The following FARS2 variants were observed in gnomAD, a reference collection of about 807,000 sequenced individuals.
The protein encoded by FARS2 is phenylalanine--tRNA ligase, mitochondrial.
Under a neutral mutation model 46.4 loss-of-function variants are expected in FARS2, and 40 were observed. That is an observed-to-expected ratio of 0.86 (90% CI 0.67 to 1.12). The LOEUF is 1.12. Among genes scored for constraint, FARS2 ranks in the 50% most tolerant of loss-of-function variants. The pLI is 0.00. For missense variants in FARS2, 513 were observed against 567.9 expected, an observed-to-expected ratio of 0.90 and a Z score of 0.98; for synonymous variants, 234 against 214.9, an observed-to-expected ratio of 1.09 and a Z score of -0.78.
chr6:5,427,088 T>G (rs145663481), intron 3 of FARS2, among the ~76,000 whole-genome samples: 3,147 of 152,326 alleles, frequency 0.021, 57 homozygotes, highest in South Asian at 0.067. Context: ...GCCTTTTTTA[T>G]TTTTAGTTGA....
intron 5 of FARS2, among the ~76,000 whole-genome samples, chr6:5,596,218 G>A (rs767827283): frequency 4.6e-5 from 7 of 152,202 alleles, no homozygotes; most frequent in Non-Finnish European, 7.3e-5. Context: ...CTTTGTTGGT[G>A]TGCTGTGATT....
At chr6:5,493,997 C>G (rs114899396) in intron 4 of FARS2, among the ~76,000 whole-genome samples, 2 of 152,112 alleles carry the variant, frequency 1.3e-5, no homozygotes, top group African/African-American at 4.8e-5. Flanking sequence ...TGAGTGCCAG[C>G]GCTATTTCAG....
In FARS2 at chr6:5,762,916, C is replaced by G. The variant is rs368452771; in HGVS notation, c.1218-8375C>G. ...TGGGGGAGGCACCGCTCAGAATGGC[C>G]CCACAGGAGCGTCAGGCCCAGGACA... On this transcript the variant is annotated intron_variant, in intron 6 of 6. Coordinates refer to ENST00000274680, the MANE Select transcript of FARS2 (RefSeq NM_006567.5). Among the ~76,000 whole-genome samples the G allele has an allele frequency of 1.2e-4, 18 of 152,306 alleles. No homozygotes were observed. The East Asian group carries it at 2.9e-3, about 25-fold the overall frequency.
At chr6:5,746,085 C>T (rs1403691348) in intron 6 of FARS2, among the ~76,000 whole-genome samples, 1 of 152,200 alleles carries the variant, frequency 6.6e-6, no homozygotes, top group African/African-American at 2.4e-5. Flanking sequence ...AAAATATCTT[C>T]TAGTCCTGAT....
At chr6:5,357,893 A>G (rs1361071525) in intron 1 of FARS2, among the ~76,000 whole-genome samples, 1 of 152,220 alleles carries the variant, frequency 6.6e-6, no homozygotes, top group Middle Eastern at 3.2e-3. Flanking sequence ...AAACGGCTTC[A>G]TAGAGAAGAT....
In FARS2 at chr6:5,486,401, T is replaced by C. The variant is rs1010267019; in HGVS notation, c.904+55229T>C. On this transcript the variant is annotated intron_variant, in intron 4 of 6. Transcript: ENST00000274680. ...GGTCTGTTCTTGTTATGACTTGTTT[T>C]TATTTTAGCCTTCTATTCAGGTGAG... Among the ~76,000 whole-genome samples the C allele has an allele frequency of 4.6e-5, 7 of 152,320 alleles. 1 individual carries two copies. The highest frequency in any genetic ancestry group is 1.2e-4 in the African/African-American group (5 of 41,564).
At chr6:5,713,909 C>T (rs1444925407) in intron 6 of FARS2, among the ~76,000 whole-genome samples, 1 of 152,170 alleles carries the variant, frequency 6.6e-6, no homozygotes, top group Admixed American at 6.5e-5. Flanking sequence ...GAAATTTAGT[C>T]CATATGTTTA....
intron 6 of FARS2, among the ~76,000 whole-genome samples, chr6:5,651,195 C>G (rs1217341853): frequency 2.6e-5 from 4 of 152,050 alleles, no homozygotes; most frequent in Non-Finnish European, 4.4e-5. Context: ...TTCAGTAGAC[C>G]CAAGAAAGCT....
At chr6:5,392,759 C>T (rs398048327) in intron 2 of FARS2, among the ~76,000 whole-genome samples, 5 of 72,986 alleles carry the variant, frequency 6.9e-5, no homozygotes, top group Non-Finnish European at 1.3e-4. Flanking sequence ...CACACACACA[C>T]ACACACACAC....
At chr6:5,754,148 A>C (rs1195070799) in intron 6 of FARS2, among the ~76,000 whole-genome samples, 3 of 152,226 alleles carry the variant, frequency 2.0e-5, no homozygotes, top group African/African-American at 7.2e-5. Flanking sequence ...TCTCATACAC[A>C]TATATCTATC....
chr6:5,613,193 A>G lies in FARS2; in HGVS notation c.1090A>G (p.Ile364Val), dbSNP rs750672630. 6.2e-7 allele frequency: 1 copy of G among 1,613,282 alleles called. No individual in the cohort carries two copies. The highest frequency in any genetic ancestry group is 2.2e-5 in the East Asian group (1 of 44,788). ...FQPLSKYPAV[I>V]NDISFWLPSE... ...GCCTCTTAGCAAATATCCGGCTGTG[A>G]TCAATGATATTTCATTCTGGTTGCC... is the stretch of plus-strand genomic sequence containing the variant. Residue 364 changes from isoleucine (I) to valine (V), a missense_variant, in exon 6 of 7, where the codon ATC becomes GTC. Coordinates refer to ENST00000274680, the MANE Select transcript of FARS2 (RefSeq NM_006567.5).
chr6:5,430,950 T>G lies in FARS2; in HGVS notation c.773-91T>G, dbSNP rs1285536406. ...ATTTATTTTACTCAGAATGTAGTAA[T>G]TGGTGTCATTAGTAGAAGGGAAAAT... On this transcript the variant is annotated intron_variant, in intron 3 of 6. Coordinates refer to ENST00000274680, the MANE Select transcript of FARS2 (RefSeq NM_006567.5). 3 of 1,242,376 alleles carry G rather than the reference T, an allele frequency of 2.4e-6. No homozygotes were observed. In the East Asian group the frequency reaches 7.1e-5, roughly 29 times the overall value. The allele number at this position is 1,242,376 out of a possible 1,614,324, so 77.0% of individuals were successfully genotyped here.
At chr6:5,558,581 G>T (rs939104570) in intron 5 of FARS2, among the ~76,000 whole-genome samples, 1 of 151,964 alleles carries the variant, frequency 6.6e-6, no homozygotes, top group African/African-American at 2.4e-5. Context: ...CTGTCCCCCA[G>T]GCTCGAGTGC....
chr6:5,678,947 G>C (rs1032169814), intron 6 of FARS2, among the ~76,000 whole-genome samples: 1 of 152,148 alleles, frequency 6.6e-6, no homozygotes, highest in Non-Finnish European at 1.5e-5. Flanking sequence ...TTTCCCCACT[G>C]TCTGTTTTAT....
intron 6 of FARS2, among the ~76,000 whole-genome samples, chr6:5,663,207 C>G (rs919013826): frequency 6.6e-6 from 1 of 152,174 alleles, no homozygotes; most frequent in Non-Finnish European, 1.5e-5. Flanking sequence ...TAATCAGTAG[C>G]CACTCCCTTT....
At chr6:5,495,590 T>A (rs1263815220) in intron 4 of FARS2, among the ~76,000 whole-genome samples, 1 of 152,206 alleles carries the variant, frequency 6.6e-6, no homozygotes, top group African/African-American at 2.4e-5. Flanking sequence ...GCTAAGGAGT[T>A]CCTAATGGAA....
chr6:5,263,807 TTTCTC>T (rs1351077124), intron 1 of FARS2, among the ~76,000 whole-genome samples: 1 of 152,228 alleles, frequency 6.6e-6, no homozygotes, highest in Non-Finnish European at 1.5e-5. Context: ...TGAAGAGAAA[TTTCTC>T]TAATCATAAT....
chr6:5,721,765 T>C (rs1038008465), intron 6 of FARS2, among the ~76,000 whole-genome samples: 7 of 152,240 alleles, frequency 4.6e-5, no homozygotes, highest in African/African-American at 1.7e-4. Context: ...ACACTGTCAG[T>C]TCTTGAAGTG....
intron 4 of FARS2, among the ~76,000 whole-genome samples, chr6:5,508,315 G>A (rs533647515): frequency 6.6e-6 from 1 of 152,210 alleles, no homozygotes; most frequent in South Asian, 2.1e-4. Flanking sequence ...CATCCCCCAC[G>A]TGGATTCCTC....
Sources: allele counts gnomAD v4.1 joint callset (sites outside exome capture counted in the v4.1 genomes callset), GRCh38; gene constraint gnomAD v4.1.1; transcripts MANE v1.5; gene names NCBI Gene and HGNC (gene_info 2026-07-23, HGNC 2026-07-21).